The following AMZ2 variants were observed in gnomAD, a reference collection of about 807,000 sequenced individuals.
AMZ2 encodes the protein archaelysin family metallopeptidase 2.
Under a neutral mutation model 36.7 loss-of-function variants are expected in AMZ2, and 26 were observed. That is an observed-to-expected ratio of 0.71 (90% confidence interval 0.52 to 0.98). AMZ2 has a LOEUF of 0.98. Among genes scored for constraint, AMZ2 ranks in the 50% least tolerant of loss-of-function variants. AMZ2 has a pLI of 0.00. For synonymous variants in AMZ2, 144 were observed against 149.1 expected, an observed-to-expected ratio of 0.97 and a Z score of 0.25; for missense variants, 394 against 430.5, an observed-to-expected ratio of 0.92 and a Z score of 0.75.
At chr17:68,249,741 G>A (rs2074302521) in intron 1 of AMZ2, 1 of 165,098 alleles carries the variant, frequency 6.1e-6, no homozygotes, top group Non-Finnish European at 1.3e-5. Context: ...CAAGCTCCTG[G>A]GCTCAAGTGA....
chr17:68,223,078 GAGAGAC>G (rs1472227798), intron 1 of AMZ2, among the ~76,000 whole-genome samples: 1 of 152,118 alleles, frequency 6.6e-6, no homozygotes, highest in Non-Finnish European at 1.5e-5. Context: ...GAGGAAGAGA[GAGAGAC>G]AGAGACAGAG....
chr17:68,223,570 T>C (rs782553278), intron 1 of AMZ2, among the ~76,000 whole-genome samples: 7 of 152,166 alleles, frequency 4.6e-5, no homozygotes, highest in Non-Finnish European at 1.0e-4. Flanking sequence ...ATGGAGTTTC[T>C]CTCTTGTTGC....
At chr17:68,243,425 G>A (rs1478098321), upstream of AMZ2, among the ~76,000 whole-genome samples, 1 of 152,182 alleles carries the variant, frequency 6.6e-6, no homozygotes, top group Non-Finnish European at 1.5e-5. Context: ...ATGAGCCACT[G>A]TGCCCAGCTG....
rs2073761340 is a variant in AMZ2 at position 68,235,345 on chromosome 17, TTC to T, written c.-66-13290_-66-13289del. On this transcript the variant is annotated intron_variant, in intron 1 of 7. Coordinates refer to the AMZ2 transcript ENST00000674770. This position sits in a 1 kb window ranked among gnomAD's most constrained non-coding sequence, Gnocchi z 4.2. The stretch of plus-strand genomic sequence containing the variant: ...GGAGCTGTTCCCATGTCTTATTTAA[TTC>T]TCTCATTAAGCCTGTGGGCCAGAGG... Among the ~76,000 whole-genome samples the T allele has an allele frequency of 6.6e-6, 1 of 152,114 alleles. No individual in the cohort carries two copies. The highest frequency in any genetic ancestry group is 1.5e-5 in the Non-Finnish European group (1 of 67,968).
intron 1 of AMZ2, among the ~76,000 whole-genome samples, chr17:68,217,937 T>A (rs1209796707): frequency 6.6e-6 from 1 of 151,684 alleles, no homozygotes; most frequent in Non-Finnish European, 1.5e-5. Context: ...CTCAGCCTCC[T>A]GAGTAGCTGG....
chr17:68,208,060 A>G (rs12949830), intron 1 of AMZ2, among the ~76,000 whole-genome samples: 19,035 of 152,144 alleles, frequency 0.13, 1,340 homozygotes, highest in Non-Finnish European at 0.16. Context: ...ACGGGGCAGC[A>G]CTTGGGACCT....
At chr17:68,229,005 C>T (rs184856622) in intron 1 of AMZ2, among the ~76,000 whole-genome samples, 1 of 152,346 alleles carries the variant, frequency 6.6e-6, no homozygotes, top group Non-Finnish European at 1.5e-5. Flanking sequence ...CCTCTGGCCT[C>T]CGTGGCCAGG....
intron 1 of AMZ2, among the ~76,000 whole-genome samples, chr17:68,219,812 G>T (rs1396037528): frequency 6.6e-6 from 1 of 151,968 alleles, no homozygotes; most frequent in Non-Finnish European, 1.5e-5. Flanking sequence ...GGGATTGTAG[G>T]CATGAGCCAC....
rs145510716 is a variant in AMZ2 at position 68,228,905 on chromosome 17, C to T, written c.-66-19735C>T. 3.9e-4 allele frequency among the ~76,000 whole-genome samples: 60 copies of T among 152,332 alleles called. 1 individual carries two copies. Among genetic ancestry groups the T allele is most frequent in the African/African-American group, 1.3e-3 (56 of 41,598 alleles). On this transcript the variant is annotated intron_variant, in intron 1 of 7. Coordinates refer to the AMZ2 transcript ENST00000674770. ...TTCCGCGTGTGCTGGCCTGTTGGCCCTGTGTGTGTAGTATCCTGGCCCCGT... is the reference window on the plus strand; with the variant it reads ...TTCCGCGTGTGCTGGCCTGTTGGCCTTGTGTGTGTAGTATCCTGGCCCCGT...
chr17:68,209,199 T>C (rs1599250415), intron 1 of AMZ2, among the ~76,000 whole-genome samples: 2 of 83,650 alleles, frequency 2.4e-5, no homozygotes, highest in Non-Finnish European at 5.4e-5. Context: ...TTTTAGTACT[T>C]TTTTTTTTTT....
intron 1 of AMZ2, among the ~76,000 whole-genome samples, chr17:68,213,815 C>T (rs2073126859): frequency 6.6e-6 from 1 of 151,472 alleles, no homozygotes; most frequent in Admixed American, 6.6e-5. Context: ...TCCTCTTTGT[C>T]TCTTTTTCTT....
intron 1 of AMZ2, among the ~76,000 whole-genome samples, chr17:68,219,407 A>G (rs549739023): frequency 2.0e-5 from 3 of 152,346 alleles, no homozygotes; most frequent in South Asian, 4.1e-4. Context: ...TTCAAGACCC[A>G]GTTCAAGGGA....
chr17:68,228,634 T>C (rs2073576827), intron 1 of AMZ2, among the ~76,000 whole-genome samples: 1 of 152,218 alleles, frequency 6.6e-6, no homozygotes, highest in African/African-American at 2.4e-5. Flanking sequence ...GGAGATAGCT[T>C]CAGTGTTTCC....
intron 4 of AMZ2, 34 bp from the exon 5 acceptor site, chr17:68,254,370 T>G (rs782336202): frequency 1.3e-6 from 2 of 1,589,338 alleles, no homozygotes; most frequent in Admixed American, 3.6e-5. Flanking sequence ...GGGACCTTAC[T>G]CTCATTCTGT....
chr17:68,248,041 G>T (rs1234899030), upstream of AMZ2: 5 of 986,352 alleles, frequency 5.1e-6, no homozygotes, highest in Non-Finnish European at 6.0e-6. Context: ...GTGGCGTGGC[G>T]CAGTGCGAAG....
intron 5 of AMZ2, among the ~76,000 whole-genome samples, chr17:68,254,971 G>A (rs2074786591): frequency 6.6e-6 from 1 of 152,156 alleles, no homozygotes; most frequent in African/African-American, 2.4e-5. Context: ...GGTTACCCTC[G>A]ACTGTAGTTG....
upstream of AMZ2, among the ~76,000 whole-genome samples, chr17:68,243,753 A>C (rs1555734582): frequency 6.6e-6 from 1 of 152,196 alleles, no homozygotes; most frequent in East Asian, 1.9e-4. Context: ...CATCAAAGAC[A>C]ACTTTTTAGT....
chr17:68,224,117 A>G (rs1219238583), intron 1 of AMZ2, among the ~76,000 whole-genome samples: 2 of 151,772 alleles, frequency 1.3e-5, no homozygotes, highest in African/African-American at 4.8e-5. Flanking sequence ...TAATTTCTCT[A>G]TTTTTAGTAG....
chr17:68,218,016 G>A (rs1204757601), intron 1 of AMZ2, among the ~76,000 whole-genome samples: 1 of 152,050 alleles, frequency 6.6e-6, no homozygotes, highest in Non-Finnish European at 1.5e-5. Flanking sequence ...ATTTCACCAT[G>A]TTAGCCAGGA....
Sources: gnomAD v4.1 joint callset for allele counts (sites outside exome capture counted in the v4.1 genomes callset) on GRCh38, gnomAD v4.1.1 for gene constraint, Gnocchi (gnomAD v3.1) non-coding constraint, MANE v1.5 for transcripts, NCBI Gene and HGNC (gene_info 2026-07-23, HGNC 2026-07-21) for gene names.